Variants in ERO1B observed in about 807,000 individuals in gnomAD.
The protein encoded by ERO1B is endoplasmic reticulum oxidoreductase 1 beta.
Under a neutral mutation model 75.3 loss-of-function variants are expected in ERO1B, and 49 were observed. The observed-to-expected ratio is 0.65, with a 90% CI of 0.52 to 0.83. ERO1B has a LOEUF of 0.83. Ranked by LOEUF, ERO1B falls within the 40% of genes least tolerant of loss-of-function variation. ERO1B has a pLI of 0.00. For synonymous variants in ERO1B, 191 were observed against 192.9 expected (o/e 0.99, Z 0.08); for missense variants, 512 against 560.1 (o/e 0.91, Z 0.87).
chr1:236,217,913 C>T lies in ERO1B; in HGVS notation c.*603G>A, dbSNP rs1664036660. On this transcript the variant is annotated 3_prime_UTR_variant, in exon 16 of 16. Transcript: ENST00000354619. ...AGCAACTAAAAACTGCAAATAAAAA[C>T]CAATGAAATTGAAGTCCTGGGGAAT... 6.6e-6 allele frequency: 1 copy of T among 152,078 alleles called. No individual in the cohort carries two copies. The highest frequency in any genetic ancestry group is 2.4e-5 in the African/African-American group (1 of 41,416). 9.4% of individuals were successfully genotyped at this position (152,078 alleles called of 1,614,324 possible).
chr1:236,229,794 A>T (rs1289150601), intron 10 of ERO1B, among the ~76,000 whole-genome samples: 1 of 152,222 alleles, frequency 6.6e-6, no homozygotes, highest in East Asian at 1.9e-4. Flanking sequence ...ACAAGGTTAG[A>T]CTATATTAAC....
At chr1:236,223,313 TAA>T (rs1324280405) in intron 13 of ERO1B, among the ~76,000 whole-genome samples, 2 of 151,852 alleles carry the variant, frequency 1.3e-5, no homozygotes, top group Admixed American at 1.3e-4. Flanking sequence ...TATCTGCGGA[TAA>T]GATTGGTTAA....
In ERO1B at chr1:236,249,913, T is replaced by C; in HGVS notation, c.403A>G (p.Lys135Glu). ...KELEDCEQAN[K>E]LGAINSTLSN... ...AATGTGCTGTTAATTGCTCCCAGTTTATTAGCTTGCTCACAATCTTCTAAT... is the reference window on the plus strand; with the variant it reads ...AATGTGCTGTTAATTGCTCCCAGTTCATTAGCTTGCTCACAATCTTCTAAT... The change falls in exon 5 of 16, where the codon AAA becomes GAA. Residue 135 changes from lysine to glutamate, a missense_variant. Lys to Glu is a moderately conservative substitution (Grantham distance 56). Transcript: ENST00000354619. 6 of 1,601,120 alleles carry C rather than the reference T, an allele frequency of 3.7e-6. No homozygotes were observed. Among genetic ancestry groups the C allele is most frequent in the Non-Finnish European group, 5.1e-6 (6 of 1,175,002 alleles).
At chr1:236,266,341 C>T (rs891140013) in intron 2 of ERO1B, among the ~76,000 whole-genome samples, 5 of 152,196 alleles carry the variant, frequency 3.3e-5, no homozygotes, top group Admixed American at 6.5e-5. Context: ...TGGTGGCTCA[C>T]GCCTGTAATC....
intron 1 of ERO1B, among the ~76,000 whole-genome samples, chr1:236,276,110 G>A (rs1197565320): frequency 6.6e-6 from 1 of 152,226 alleles, no homozygotes; most frequent in Non-Finnish European, 1.5e-5. Context: ...ACAACAGGCA[G>A]GCCAATTTGG....
chr1:236,247,656 C>T (rs1209906900), intron 5 of ERO1B, among the ~76,000 whole-genome samples: 1 of 152,140 alleles, frequency 6.6e-6, no homozygotes, highest in Non-Finnish European at 1.5e-5. Context: ...AGAGCAAACA[C>T]TCATTATAAT....
chr1:236,281,616 C>T, intron 1 of ERO1B, 66 bp downstream of exon 1: 1 of 1,031,090 alleles, frequency 9.7e-7, no homozygotes, highest in Non-Finnish European at 1.3e-6. Flanking sequence ...GTCACAGCCG[C>T]GGCCCGTGTG....
chr1:236,260,316 T>C (rs1665266320), intron 2 of ERO1B, among the ~76,000 whole-genome samples: 1 of 152,072 alleles, frequency 6.6e-6, no homozygotes, highest in South Asian at 2.1e-4. Context: ...AAAATCTGAA[T>C]AGGCCAATAA....
At chr1:236,221,755 C>T in intron 14 of ERO1B, 169 bp downstream of exon 14, 1 of 567,416 alleles carries the variant, frequency 1.8e-6, no homozygotes, top group Non-Finnish European at 3.1e-6. Context: ...CTTTCACATA[C>T]ATGTAACACA....
chr1:236,266,482 T>C (rs1328828862), intron 2 of ERO1B, among the ~76,000 whole-genome samples: 4 of 152,172 alleles, frequency 2.6e-5, no homozygotes, highest in South Asian at 2.1e-4. Flanking sequence ...TGTGGGCCTG[T>C]AGTCCCAGCT....
At chr1:236,263,462 C>T (rs997466836) in intron 2 of ERO1B, among the ~76,000 whole-genome samples, 12 of 151,934 alleles carry the variant, frequency 7.9e-5, no homozygotes, top group African/African-American at 1.7e-4. Context: ...GTTGGCCAGG[C>T]GGGTCTCGAA....
At chr1:236,225,593 A>G (rs1664258477) in intron 12 of ERO1B, among the ~76,000 whole-genome samples, 2 of 152,214 alleles carry the variant, frequency 1.3e-5, no homozygotes, top group South Asian at 4.1e-4. Flanking sequence ...GTTTCCTTAC[A>G]TATCCATCCC....
At chr1:236,279,078 C>A (rs937714227) in intron 1 of ERO1B, among the ~76,000 whole-genome samples, 1 of 152,168 alleles carries the variant, frequency 6.6e-6, no homozygotes, top group Non-Finnish European at 1.5e-5. Context: ...AGAAAGGGTT[C>A]CACATTAGGG....
chr1:236,228,134 A>T lies in ERO1B; in HGVS notation c.713-1395T>A, dbSNP rs115969239. 2.2e-3 allele frequency among the ~76,000 whole-genome samples: 331 copies of T among 152,330 alleles called. 3 individuals carry two copies. The highest frequency in any genetic ancestry group is 7.6e-3 in the African/African-American group (314 of 41,562). The stretch of plus-strand genomic sequence containing the variant: ...GTCCAATAAAATGGATAAAGACAAG[A>T]GAAGGGACAGTAAGCAAAGCAAAAC... On this transcript the variant is annotated intron_variant, in intron 10 of 15. Transcript: ENST00000354619.
At position 236,223,156 on chromosome 1, in the gene ERO1B, C is replaced by T. The variant is rs571515270; in HGVS notation, c.1123-1146G>A. Among the ~76,000 whole-genome samples the T allele has an allele frequency of 4.2e-4, 61 of 144,482 alleles. 2 individuals carry two copies. In the East Asian group the frequency reaches 9.3e-3, roughly 22 times the overall value. 94.8% of individuals were successfully genotyped at this position (144,482 alleles called of 152,430 possible). On this transcript the variant is annotated intron_variant, in intron 13 of 15. Transcript: ENST00000354619. ...GGTGGAGGTTGCAGTGAGCCAAGAT[C>T]GCACCACTGCACTCCAGCCTGGGCA...
At chr1:236,226,612 T>C (rs1240016317) in intron 11 of ERO1B, 35 bp downstream of exon 11, 3 of 1,600,170 alleles carry the variant, frequency 1.9e-6, no homozygotes, top group African/African-American at 2.7e-5. Context: ...TTTACACTAA[T>C]AGAAGGCAAA....
At chr1:236,267,639 T>G (rs1439203937) in intron 2 of ERO1B, 2 of 152,230 alleles carry the variant, frequency 1.3e-5, no homozygotes, top group Non-Finnish European at 2.9e-5. Context: ...AACTGGCATG[T>G]TCAACCATTT....
chr1:236,225,141 T>C lies in ERO1B; in HGVS notation c.1053-2A>G. 6.2e-7 allele frequency: 1 copy of C among 1,613,616 alleles called. No individual in the cohort carries two copies. ...TCATCAAAGTGCATGGGAAAGGACC[T>C]GATAAAATGATAGTATTGGATTAAG... On this transcript the variant is annotated splice_acceptor_variant, in intron 12 of 15. Coordinates refer to ENST00000354619, the MANE Select transcript of ERO1B (RefSeq NM_019891.4). LOFTEE classifies it high-confidence loss of function.
rs756675323 is a variant in ERO1B, at chr1:236,253,401, CTGTTA to C, written c.306+16_306+20del. ...AGTCCAAGAGAAAATTGGCTTTGCC[CTGTTA>C]TTTTATTTATTATACCTCTGGACAG... is the stretch of plus-strand genomic sequence containing the variant. On this transcript the variant is annotated intron_variant, in intron 3 of 15. Coordinates refer to ENST00000354619, the MANE Select transcript of ERO1B (RefSeq NM_019891.4). 8 of 1,491,722 alleles carry C rather than the reference CTGTTA, an allele frequency of 5.4e-6. No homozygotes were observed. The Admixed American group carries it at 1.4e-4, about 27-fold the overall frequency. The allele number at this position is 1,491,722 out of a possible 1,614,324, so 92.4% of individuals were successfully genotyped here.
Sources: gnomAD v4.1 joint callset for allele counts (sites outside exome capture counted in the v4.1 genomes callset) on GRCh38, gnomAD v4.1.1 for gene constraint, MANE v1.5 for transcripts, NCBI Gene and HGNC (gene_info 2026-07-23, HGNC 2026-07-21) for gene names.